Variants in PRMT8 observed in about 807,000 individuals in gnomAD.
PRMT8 encodes the protein protein arginine methyltransferase 8, also known as protein arginine N-methyltransferase 8.
In PRMT8, 7 loss-of-function variants were observed where a neutral mutation model predicts 47.1. The ratio of observed to expected loss-of-function variants is 0.15; its 90% CI spans 0.08 to 0.28. PRMT8 has a LOEUF of 0.28. Among genes scored for constraint, PRMT8 ranks in the 10% least tolerant of loss-of-function variants. The pLI is 1.00. For missense variants in PRMT8, 237 were observed against 505.4 expected (o/e 0.47, Z 5.09); for synonymous variants, 188 against 186.5 (o/e 1.01, Z -0.07).
At chr12:3,507,215 G>T (rs971932784) in intron 1 of PRMT8, among the ~76,000 whole-genome samples, 1 of 146,916 alleles carries the variant, frequency 6.8e-6, no homozygotes, top group African/African-American at 2.5e-5. Context: ...TCCGCCTCCC[G>T]GGTTCACGCC....
chr12:3,496,769 A>T (rs1445468906), intron 1 of PRMT8, among the ~76,000 whole-genome samples: 1 of 152,206 alleles, frequency 6.6e-6, no homozygotes, highest in Non-Finnish European at 1.5e-5. Flanking sequence ...CTTGCCAAAA[A>T]AGTGCAAACT....
At chr12:3,420,198 A>C (rs1367742298) in intron 1 of PRMT8, among the ~76,000 whole-genome samples, 1 of 152,106 alleles carries the variant, frequency 6.6e-6, no homozygotes, top group Non-Finnish European at 1.5e-5. Context: ...CGGCAGACTC[A>C]AAACTCTCTC....
At chr12:3,410,051 G>T (rs1864410879) in intron 1 of PRMT8, among the ~76,000 whole-genome samples, 1 of 152,160 alleles carries the variant, frequency 6.6e-6, no homozygotes, top group African/African-American at 2.4e-5. Context: ...TTTTCCAAAT[G>T]AATTTCTGGA....
At chr12:3,572,000 A>G (rs1440264631) in intron 6 of PRMT8, among the ~76,000 whole-genome samples, 1 of 152,172 alleles carries the variant, frequency 6.6e-6, no homozygotes, top group African/African-American at 2.4e-5. Flanking sequence ...TTCAGAAAGT[A>G]AGTTGTTAGA....
intron 1 of PRMT8, among the ~76,000 whole-genome samples, chr12:3,454,079 TCAA>T (rs1351148861): frequency 6.6e-6 from 1 of 152,120 alleles, no homozygotes; most frequent in Non-Finnish European, 1.5e-5. Context: ...ACCACGGGGC[TCAA>T]AGGGGCCTGG....
At chr12:3,498,974 C>G (rs79703750) in intron 1 of PRMT8, among the ~76,000 whole-genome samples, 5,404 of 152,130 alleles carry the variant, frequency 0.036, 142 homozygotes, top group Middle Eastern at 0.082. Context: ...TGGTGGCCAA[C>G]GATGCTCAGC....
chr12:3,590,657 G>T (rs1310895020), intron 8 of PRMT8, among the ~76,000 whole-genome samples: 1 of 151,442 alleles, frequency 6.6e-6, no homozygotes, highest in Non-Finnish European at 1.5e-5. Flanking sequence ...AAGAAATCCT[G>T]GTAGAGGAAT....
At chr12:3,394,524 C>A (rs372085768) in intron 1 of PRMT8, among the ~76,000 whole-genome samples, 1 of 151,644 alleles carries the variant, frequency 6.6e-6, no homozygotes, top group South Asian at 2.1e-4. Flanking sequence ...TATTGATTTG[C>A]GTATATTGAA....
rs114558490 is a variant in PRMT8, at chr12:3,474,935, A to G, written c.49-65671A>G. Among the ~76,000 whole-genome samples, 1,127 of 152,302 alleles carry G rather than the reference A, an allele frequency of 7.4e-3. 13 individuals are homozygous for G. Among genetic ancestry groups the G allele is most frequent in the African/African-American group, 0.025 (1,030 of 41,558 alleles). On this transcript the variant is annotated intron_variant, in intron 1 of 9. Coordinates refer to the PRMT8 transcript ENST00000452611. ...GAATTCAAATCCAGATGGCATTTAA[A>G]TGCCCTTGCTCTCATTGTTTCTTGG... is the stretch of plus-strand genomic sequence containing the variant.
chr12:3,496,214 A>ATATATATATATATATATATTTTTT, intron 1 of PRMT8, among the ~76,000 whole-genome samples: 3 of 27,772 alleles, frequency 1.1e-4, no homozygotes, highest in African/African-American at 2.6e-4. Flanking sequence ...ATATATATAT[A>ATATATATATATATATATATTTTTT]TTTTTTTTTT....
chr12:3,435,119 C>G (rs1864724857), intron 1 of PRMT8, among the ~76,000 whole-genome samples: 1 of 152,086 alleles, frequency 6.6e-6, no homozygotes, highest in African/African-American at 2.4e-5. Context: ...CAGGCACCCA[C>G]CACCACACCC....
intron 1 of PRMT8, among the ~76,000 whole-genome samples, chr12:3,413,750 C>G (rs923649063): frequency 5.3e-5 from 8 of 151,740 alleles, no homozygotes; most frequent in African/African-American, 2.4e-5. Context: ...TGGTACATGA[C>G]TGTATTCGGG....
upstream of PRMT8, among the ~76,000 whole-genome samples, chr12:3,489,379 T>C (rs1035139360): frequency 1.3e-5 from 2 of 151,916 alleles, no homozygotes; most frequent in Admixed American, 1.3e-4. Flanking sequence ...AGTGTCGGAC[T>C]GAAAGTCAGG....
chr12:3,544,413 G>A (rs981549379), intron 2 of PRMT8, among the ~76,000 whole-genome samples: 2 of 152,206 alleles, frequency 1.3e-5, no homozygotes, highest in African/African-American at 2.4e-5. Flanking sequence ...GACCACTGGG[G>A]GGTCTCCCCA....
intron 1 of PRMT8, among the ~76,000 whole-genome samples, chr12:3,440,287 T>C (rs1435017085): frequency 1.3e-5 from 2 of 152,042 alleles, no homozygotes; most frequent in African/African-American, 2.4e-5. Context: ...GGTGAAACCC[T>C]GTCTCTACTA....
chr12:3,416,200 G>A (rs1422995695), intron 1 of PRMT8, among the ~76,000 whole-genome samples: 1 of 152,172 alleles, frequency 6.6e-6, no homozygotes, highest in African/African-American at 2.4e-5. Context: ...GTGGCTTCAT[G>A]CTGAGTTATG....
intron 8 of PRMT8, among the ~76,000 whole-genome samples, chr12:3,587,236 C>T (rs1867198445): frequency 6.7e-6 from 1 of 148,442 alleles, no homozygotes; most frequent in South Asian, 2.1e-4. Context: ...CACCACATAA[C>T]TCAGCAACTA....
At chr12:3,571,490 G>C (rs1016531397) in intron 6 of PRMT8, among the ~76,000 whole-genome samples, 2 of 152,184 alleles carry the variant, frequency 1.3e-5, no homozygotes, top group African/African-American at 4.8e-5. Context: ...ACCTGTGTCA[G>C]GAGCCTTTGC....
rs183471799 is a variant in PRMT8, at chr12:3,465,476, T to A, written c.49-75130T>A. Among the ~76,000 whole-genome samples the A allele has an allele frequency of 9.7e-4, 148 of 152,002 alleles. 1 individual carries two copies. The highest frequency in any genetic ancestry group is 3.1e-3 in the African/African-American group (128 of 41,436). ...TCTGGGAACTTTTGTTTGTGGGGTT[T>A]AGAAAGAGGAGCAGTTATTTCTAGG... On this transcript the variant is annotated intron_variant, in intron 1 of 9. Transcript: ENST00000452611.
Sources: gnomAD v4.1 joint callset for allele counts (sites outside exome capture counted in the v4.1 genomes callset) on GRCh38, gnomAD v4.1.1 for gene constraint, MANE v1.5 for transcripts, NCBI Gene and HGNC (gene_info 2026-07-23, HGNC 2026-07-21) for gene names.